The following LAMA4 variants were observed in gnomAD, a reference collection of about 807,000 sequenced individuals.
The protein encoded by LAMA4 is laminin subunit alpha 4.
LAMA4 carries 127 observed loss-of-function variants against 207.1 expected under a neutral mutation model. The observed-to-expected ratio is 0.61, with a 90% CI of 0.53 to 0.71. The LOEUF (loss-of-function observed/expected upper bound fraction) is 0.71. Among genes scored for constraint, LAMA4 ranks in the 30% least tolerant of loss-of-function variants. The pLI, the probability that LAMA4 is intolerant of heterozygous loss-of-function variation, is 0.00. For synonymous variants in LAMA4, 761 were observed against 816.0 expected (o/e 0.93, Z 1.15); for missense variants, 2,093 against 2,246.5 (o/e 0.93, Z 1.38).
intron 2 of LAMA4, among the ~76,000 whole-genome samples, chr6:112,228,068 C>T (rs1208048060): frequency 1.3e-5 from 2 of 152,110 alleles, no homozygotes; most frequent in Admixed American, 6.5e-5. Context: ...GATCTATGAC[C>T]CAAACTCAGA....
chr6:112,181,913 A>G (rs2114914464), intron 9 of LAMA4, among the ~76,000 whole-genome samples: 2 of 152,188 alleles, frequency 1.3e-5, no homozygotes, highest in East Asian at 3.9e-4. Context: ...CCTGACCAAC[A>G]TGGTGAAGCC....
At position 112,136,304 on chromosome 6, in the gene LAMA4, A is replaced by G. The variant is rs375261095; in HGVS notation, c.3283-50T>C. 3.2e-5 allele frequency: 46 copies of G among 1,445,476 alleles called. No homozygotes were observed. In the African/African-American group the frequency reaches 5.5e-4, roughly 17 times the overall value. 89.5% of individuals were successfully genotyped at this position (1,445,476 alleles called of 1,614,324 possible). A position where few individuals can be genotyped will look rare whatever the true frequency, so the allele number is the denominator to read the frequency against. On this transcript the variant is annotated intron_variant, in intron 24 of 38. Transcript: ENST00000230538. ...ATAGGAACATCTGTTATGCGAGTAG[A>G]GTCAGATTTAGCTGAATTTGAGAAA...
intron 19 of LAMA4, among the ~76,000 whole-genome samples, 164 bp downstream of exon 19, chr6:112,144,630 T>C (rs1431924090): frequency 6.6e-6 from 1 of 152,190 alleles, no homozygotes; most frequent in African/African-American, 2.4e-5. Context: ...TTGGTTTCGT[T>C]TTCAGTGTTC....
chr6:112,161,730 G>C (rs1323215275), intron 13 of LAMA4, among the ~76,000 whole-genome samples: 1 of 152,166 alleles, frequency 6.6e-6, no homozygotes, highest in African/African-American at 2.4e-5. Context: ...AGGAGTGAGT[G>C]GGGTAAGGGG....
chr6:112,251,295 G>A (rs1787434140), intron 2 of LAMA4: 1 of 152,182 alleles, frequency 6.6e-6, no homozygotes, highest in East Asian at 1.9e-4. Flanking sequence ...CAGCTCACAT[G>A]GAGCAATACA....
chr6:112,249,052 C>T (rs573301995), intron 2 of LAMA4, among the ~76,000 whole-genome samples: 24 of 152,216 alleles, frequency 1.6e-4, no homozygotes, highest in East Asian at 3.9e-4. Context: ...TTAGGCTAGA[C>T]GGAGAAGGGA....
chr6:112,148,389 G>A, intron 17 of LAMA4, 53 bp from the exon 18 acceptor site: 3 of 1,588,352 alleles, frequency 1.9e-6, no homozygotes, highest in Non-Finnish European at 2.6e-6. Flanking sequence ...GATATTTGTT[G>A]GGGAACATTA....
intron 2 of LAMA4, among the ~76,000 whole-genome samples, chr6:112,246,815 C>T (rs1786978201): frequency 6.6e-6 from 1 of 152,130 alleles, no homozygotes; most frequent in Admixed American, 6.5e-5. Flanking sequence ...CCACCGTGCC[C>T]AGCTGCTGTT....
chr6:112,120,386 G>A lies in LAMA4; in HGVS notation c.4562C>T (p.Thr1521Ile), dbSNP rs1381286787. Reference sequence around the variant, plus strand: ...CAAGCGGCCATGGGCCAAAAATAGAGTCATGAAGTCATTCTCTTCTTGATC... The same window carrying A: ...CAAGCGGCCATGGGCCAAAAATAGAATCATGAAGTCATTCTCTTCTTGATC... ...VSDQEENDFM[T>I]LFLAHGRLVY... Residue 1521 changes from threonine to isoleucine, a missense_variant, in exon 33 of 39, where the codon ACT (threonine) becomes ATT (isoleucine). Physicochemically the swap from Thr to Ile is moderately conservative, Grantham distance 89. This residue lies in a region of LAMA4 where 383 missense variants were observed against 437.8 expected (regional missense o/e 0.87). Transcript: ENST00000230538. 4 of 1,613,642 alleles carry A rather than the reference G, an allele frequency of 2.5e-6. No homozygotes were observed. In the African/African-American group the frequency reaches 5.3e-5, roughly 22 times the overall value.
intron 2 of LAMA4, 167 bp from the exon 3 acceptor site, chr6:112,216,636 C>T (rs1554358838): frequency 1.5e-6 from 1 of 648,666 alleles, no homozygotes; most frequent in Admixed American, 2.2e-5. Flanking sequence ...TTTATACTAC[C>T]ATTCAGTGAT....
chr6:112,163,644 A>G (rs1781214646), intron 13 of LAMA4, among the ~76,000 whole-genome samples: 1 of 152,182 alleles, frequency 6.6e-6, no homozygotes, highest in South Asian at 2.1e-4. Flanking sequence ...TATAGGGGAC[A>G]GTGGGAGTCT....
rs1486915356 is a variant in LAMA4, at chr6:112,114,888, C to T, written c.5113-132G>A. ...CACATGATTAGCTTTGCAATTTGAA[C>T]ACAAGGGTCTTTGGCAGCCTATAGA... On this transcript the variant is annotated intron_variant, in intron 36 of 38. Coordinates refer to ENST00000230538, the MANE Select transcript of LAMA4 (RefSeq NM_001105206.3). 9 of 728,774 alleles carry T rather than the reference C, an allele frequency of 1.2e-5. No individual in the cohort carries two copies. In the African/African-American group the frequency reaches 1.6e-4, roughly 13 times the overall value. The allele number at this position is 728,774 out of a possible 1,614,324, so 45.1% of individuals were successfully genotyped here. A position where few individuals can be genotyped will look rare whatever the true frequency, so the allele number is the denominator to read the frequency against.
At chr6:112,163,386 G>A (rs1781190279) in intron 13 of LAMA4, among the ~76,000 whole-genome samples, 1 of 152,106 alleles carries the variant, frequency 6.6e-6, no homozygotes, top group Non-Finnish European at 1.5e-5. Flanking sequence ...GTTGTACGTG[G>A]CCTGCAGAGC....
chr6:112,149,242 C>T (rs1196527218), intron 17 of LAMA4, among the ~76,000 whole-genome samples: 1 of 152,080 alleles, frequency 6.6e-6, no homozygotes, highest in Non-Finnish European at 1.5e-5. Flanking sequence ...GAATCTGCTT[C>T]TTACTGGCTG....
At chr6:112,189,699 C>A (rs1404648441) in intron 6 of LAMA4, among the ~76,000 whole-genome samples, 1 of 152,136 alleles carries the variant, frequency 6.6e-6, no homozygotes, top group African/African-American at 2.4e-5. Flanking sequence ...TCTTGGCTCC[C>A]ACTGCGCTTG....
chr6:112,146,560 G>A (rs1780042949), intron 18 of LAMA4, among the ~76,000 whole-genome samples: 1 of 152,142 alleles, frequency 6.6e-6, no homozygotes, highest in Non-Finnish European at 1.5e-5. Flanking sequence ...ACTAGTATTT[G>A]AGAACCATTG....
intron 23 of LAMA4, 149 bp from the exon 24 acceptor site, chr6:112,139,440 G>C (rs1554332464): frequency 1.1e-6 from 1 of 871,446 alleles, no homozygotes; most frequent in African/African-American, 1.7e-5. Flanking sequence ...AGATAAAGAG[G>C]TATTTGTAGG....
In LAMA4 at chr6:112,178,673, G is replaced by A. The variant is rs369352480; in HGVS notation, c.1078-441C>T. Reference sequence around the variant, plus strand: ...CCACGTATCAGTTAGGACATACAATGTTTGGTTTTCCATTCCTAAGTTACT... The same window carrying A: ...CCACGTATCAGTTAGGACATACAATATTTGGTTTTCCATTCCTAAGTTACT... On this transcript the variant is annotated intron_variant, in intron 9 of 38. Coordinates refer to ENST00000230538, the MANE Select transcript of LAMA4 (RefSeq NM_001105206.3). The A allele has an allele frequency of 8.7e-5, 15 of 172,024 alleles. No homozygotes were observed. The East Asian group carries it at 2.2e-3, about 26-fold the overall frequency. 10.7% of individuals were successfully genotyped at this position (172,024 alleles called of 1,614,324 possible).
At chr6:112,125,869 C>A (rs1778659683) in intron 31 of LAMA4, among the ~76,000 whole-genome samples, 1 of 152,194 alleles carries the variant, frequency 6.6e-6, no homozygotes, top group African/African-American at 2.4e-5. Flanking sequence ...TAAATTATTA[C>A]AATCCCAATT....
Sources: gnomAD v4.1 joint callset for allele counts (sites outside exome capture counted in the v4.1 genomes callset) on GRCh38, gnomAD v4.1.1 for gene constraint, gnomAD v4.1.1 regional missense constraint, MANE v1.5 for transcripts, NCBI Gene and HGNC (gene_info 2026-07-23, HGNC 2026-07-21) for gene names.